GARIN2: variants seen among roughly 807,000 people sequenced by gnomAD.
GARIN2 encodes Golgi-associated RAB2 interactor protein 2.
the GARIN2 span, among the ~76,000 whole-genome samples, chr14:67,192,016 TAA>T: frequency 6.6e-6 from 1 of 152,178 alleles, no homozygotes; most frequent in Non-Finnish European, 1.5e-5. Flanking sequence ...TTAAAAGAAG[TAA>T]CAGAGACCGC....
the GARIN2 span, among the ~76,000 whole-genome samples, chr14:67,218,032 G>C: frequency 3.3e-5 from 5 of 152,056 alleles, no homozygotes; most frequent in Admixed American, 1.3e-4. Context: ...TCTCCATGTA[G>C]TTTCTTTAGT....
the GARIN2 span, chr14:67,196,701 T>G: frequency 6.6e-6 from 1 of 152,254 alleles, no homozygotes; most frequent in Non-Finnish European, 1.5e-5. Context: ...TTTGGCAGTT[T>G]CAGGCCAATT....
chr14:67,203,113 C>A, the GARIN2 span: 1 of 1,613,268 alleles, frequency 6.2e-7, no homozygotes, highest in Non-Finnish European at 8.5e-7. Context: ...AGAGGTGAAT[C>A]CATTTACCTT....
chr14:67,198,929 A>C, the GARIN2 span: 72 of 699,876 alleles, frequency 1.0e-4, 2 homozygotes, highest in South Asian at 1.1e-3. Flanking sequence ...AAAGTCTAAC[A>C]CTAAACACTG....
chr14:67,220,011 T>C, the GARIN2 span, among the ~76,000 whole-genome samples: 2 of 152,216 alleles, frequency 1.3e-5, no homozygotes, highest in Non-Finnish European at 2.9e-5. Context: ...AATTCACTAC[T>C]GCTGTATTGC....
the GARIN2 span, among the ~76,000 whole-genome samples, chr14:67,219,608 A>G: frequency 6.6e-6 from 1 of 152,302 alleles, no homozygotes; most frequent in African/African-American, 2.4e-5. Flanking sequence ...TAGGATGAAA[A>G]AGGCTCAGCA....
At chr14:67,199,383 A>G in the GARIN2 span, 1 of 1,613,952 alleles carries the variant, frequency 6.2e-7, no homozygotes, top group Non-Finnish European at 8.5e-7. Context: ...GGGAACCTGG[A>G]CCCTGAGATT....
the GARIN2 span, among the ~76,000 whole-genome samples, chr14:67,193,390 G>GATATATCTAGATATATATCTAT: frequency 1.5e-5 from 2 of 132,916 alleles, no homozygotes; most frequent in African/African-American, 2.8e-5. Context: ...GATATATCTA[G>GATATATCTAGATATATATCTAT]ATATATCTAG....
the GARIN2 span, among the ~76,000 whole-genome samples, chr14:67,190,083 T>A: frequency 1.3e-5 from 2 of 149,302 alleles, no homozygotes; most frequent in Non-Finnish European, 3.0e-5. Flanking sequence ...TTTTTTTTTT[T>A]TTTTTGTATT....
chr14:67,193,944 C>CAAAAAAAAACA, the GARIN2 span, among the ~76,000 whole-genome samples: 3 of 33,880 alleles, frequency 8.9e-5, no homozygotes, highest in Non-Finnish European at 1.5e-4. Flanking sequence ...GACCCTGTCT[C>CAAAAAAAAACA]AAAAAAAAAC....
At chr14:67,213,150 A>T in the GARIN2 span, among the ~76,000 whole-genome samples, 7 of 143,058 alleles carry the variant, frequency 4.9e-5, no homozygotes, top group Admixed American at 1.4e-4. Flanking sequence ...ATTTTTTTTT[A>T]AATGTATTTT....
the GARIN2 span, among the ~76,000 whole-genome samples, chr14:67,192,918 A>G: frequency 2.0e-5 from 3 of 146,710 alleles, no homozygotes; most frequent in Admixed American, 6.9e-5. Flanking sequence ...ATATAGATAT[A>G]TATGTATATA....
the GARIN2 span, chr14:67,204,857 A>G: frequency 1.9e-6 from 3 of 1,613,878 alleles, no homozygotes; most frequent in African/African-American, 1.3e-5. Context: ...GGCCCTGAAC[A>G]TGTCAGGGAC....
the GARIN2 span, among the ~76,000 whole-genome samples, chr14:67,207,635 CTGACCAACTGCCT>C: frequency 6.6e-6 from 1 of 152,148 alleles, no homozygotes; most frequent in Non-Finnish European, 1.5e-5. Context: ...TTAGGGCCTG[CTGACCAACTGCCT>C]TGAGCCCTAA....
the GARIN2 span, chr14:67,199,568 C>A: frequency 6.3e-7 from 1 of 1,595,396 alleles, no homozygotes; most frequent in Admixed American, 1.7e-5. Flanking sequence ...CCTCTGTAAC[C>A]ACCCTATCAC....
the GARIN2 span, among the ~76,000 whole-genome samples, chr14:67,221,502 T>C: frequency 3.3e-5 from 5 of 152,166 alleles, no homozygotes; most frequent in African/African-American, 1.2e-4. Flanking sequence ...CCCTATGGAG[T>C]GACTGGCAAT....
chr14:67,198,396 A>G, the GARIN2 span: 4 of 1,394,362 alleles, frequency 2.9e-6, no homozygotes, highest in Non-Finnish European at 4.0e-6. Context: ...AAAGGATGGT[A>G]GGAGAATTGT....
the GARIN2 span, among the ~76,000 whole-genome samples, chr14:67,212,617 AAT>A: frequency 6.9e-6 from 1 of 145,924 alleles, no homozygotes; most frequent in Non-Finnish European, 1.5e-5. Flanking sequence ...ATATATATGT[AAT>A]ATATATTATA....
the GARIN2 span, chr14:67,204,415 G>A: frequency 9.7e-6 from 13 of 1,342,910 alleles, no homozygotes; most frequent in African/African-American, 2.9e-5. Flanking sequence ...GCACTCCAAC[G>A]TGGGCAACAG....
Sources: allele counts gnomAD v4.1 joint callset (sites outside exome capture counted in the v4.1 genomes callset), GRCh38; gene constraint gnomAD v4.1.1; transcripts MANE v1.5; gene names NCBI Gene and HGNC (gene_info 2026-07-23, HGNC 2026-07-21).